RNF123: variants seen among roughly 807,000 people sequenced by gnomAD.
The protein encoded by RNF123 is ring finger protein 123.
A neutral mutation model predicts 168.5 loss-of-function variants in RNF123; 86 were observed. The ratio of observed to expected loss-of-function variants is 0.51; its 90% confidence interval spans 0.43 to 0.61. RNF123 has a LOEUF of 0.61. Ranked by LOEUF, RNF123 falls within the 20% of genes least tolerant of loss-of-function variation. The probability of loss-of-function intolerance (pLI) is 0.00; values close to 1 mark genes in which losing one functional copy is unlikely to be tolerated. For missense variants in RNF123, 1,419 were observed against 1,729.7 expected, an observed-to-expected ratio of 0.82 and a Z score of 3.19; for synonymous variants, 666 against 689.1, an observed-to-expected ratio of 0.97 and a Z score of 0.52.
In RNF123 at chr3:49,703,423, G is replaced by T; in HGVS notation, c.1751-4G>T. The stretch of plus-strand genomic sequence containing the variant: ...ACTGGCCTAGCCTCCTCAATTCCTC[G>T]CAGAGGCCTACATCCCGCCCCAGGT... On this transcript the variant is annotated splice_polypyrimidine_tract_variant and splice_region_variant and intron_variant, in intron 20 of 38. Coordinates refer to ENST00000327697, the MANE Select transcript of RNF123 (RefSeq NM_022064.5). 1 of 1,613,400 alleles carries T rather than the reference G, an allele frequency of 6.2e-7. No individual in the cohort carries two copies. Among genetic ancestry groups the T allele is most frequent in the Non-Finnish European group, 8.5e-7 (1 of 1,179,528 alleles).
At chr3:49,706,767 T>G in intron 25 of RNF123, 24 bp from the exon 26 acceptor site, 1 of 1,604,264 alleles carries the variant, frequency 6.2e-7, no homozygotes, top group African/African-American at 1.3e-5. Flanking sequence ...GTCTTGATTG[T>G]CCTCCTTTCC....
Position 49,697,464 on chromosome 3 carries a change from G to A in RNF123, c.342+7G>A, listed in dbSNP as rs1489696993. 5.0e-6 allele frequency: 8 copies of A among 1,593,048 alleles called. No homozygotes were observed. Among genetic ancestry groups the A allele is most frequent in the Non-Finnish European group, 6.8e-6 (8 of 1,169,386 alleles). ...GGATGATGACCTGCTGGGGGTGAGT[G>A]AGGGTGAGGTGTGGAGACCCAGGTC... is the stretch of plus-strand genomic sequence containing the variant. On this transcript the variant is annotated splice_region_variant and intron_variant, in intron 5 of 38. Coordinates refer to ENST00000327697, the MANE Select transcript of RNF123 (RefSeq NM_022064.5).
rs531424963 is a variant in RNF123 at position 49,699,236 on chromosome 3, T to C, written c.764+131T>C. 174 of 1,299,106 alleles carry C rather than the reference T, an allele frequency of 1.3e-4. 1 individual carries two copies. Among genetic ancestry groups the C allele is most frequent in the Middle Eastern group, 2.7e-4 (1 of 3,726 alleles). The allele number at this position is 1,299,106 out of a possible 1,614,324, so 80.5% of individuals were successfully genotyped here. ...CTGCTGCAGAGTTAGTGGGGGGCCA[T>C]GTAGAGTGTCGAAGAAAACTTTCCT... On this transcript the variant is annotated intron_variant, in intron 10 of 38. Transcript: ENST00000327697. This position sits in a 1 kb window ranked among gnomAD's most constrained non-coding sequence, Gnocchi z 4.8.
At chr3:49,693,291 G>A (rs543629238) in intron 3 of RNF123, among the ~76,000 whole-genome samples, 107 of 143,522 alleles carry the variant, frequency 7.5e-4, no homozygotes, top group Non-Finnish European at 1.4e-3. Context: ...CTCGTGATCC[G>A]CCCACCTCGG....
chr3:49,719,155 A>G (rs1575286705), intron 35 of RNF123: 3 of 1,613,582 alleles, frequency 1.9e-6, no homozygotes, highest in Non-Finnish European at 2.5e-6. Context: ...GTTGACGAAG[A>G]CGCCGCGACC....
At chr3:49,719,063 G>GC in intron 35 of RNF123, 1 of 1,613,822 alleles carries the variant, frequency 6.2e-7, no homozygotes, top group Non-Finnish European at 8.5e-7. Context: ...AGCTTCTCCA[G>GC]CGCCCCCAGC....
At chr3:49,719,923 T>C (rs756250028) in intron 35 of RNF123, 30 of 176,994 alleles carry the variant, frequency 1.7e-4, no homozygotes, top group Non-Finnish European at 2.9e-4. Context: ...GTCTCCAAGC[T>C]GCTGTTAGTG....
chr3:49,721,525 A>T lies in RNF123; in HGVS notation c.*220A>T, dbSNP rs753981644. ...ACAGTGAGCATTAAATTATTATTCC[A>T]TACAGCCCTGGCCCTGGCCCTTCTT... On this transcript the variant is annotated 3_prime_UTR_variant, in exon 39 of 39. Coordinates refer to ENST00000327697, the MANE Select transcript of RNF123 (RefSeq NM_022064.5). 88 of 815,750 alleles carry T rather than the reference A, an allele frequency of 1.1e-4. No homozygotes were observed. Among genetic ancestry groups the T allele is most frequent in the Non-Finnish European group, 1.7e-4 (81 of 483,200 alleles). The allele number at this position is 815,750 out of a possible 1,614,324, so 50.5% of individuals were successfully genotyped here. A position where few individuals can be genotyped will look rare whatever the true frequency, so the allele number is the denominator to read the frequency against.
rs772867836 is a variant in RNF123, at chr3:49,698,425, G to T, written c.484-15G>T. 6.8e-6 allele frequency: 11 copies of T among 1,611,446 alleles called. No individual in the cohort carries two copies. The highest frequency in any genetic ancestry group is 9.3e-6 in the Non-Finnish European group (11 of 1,178,160). The stretch of plus-strand genomic sequence containing the variant: ...GCCTGCCTCACCAGGGACCTCATAG[G>T]CATTTCCTCCCTAGGAGGGGGTTGG... On this transcript the variant is annotated splice_polypyrimidine_tract_variant and intron_variant, in intron 7 of 38. Transcript: ENST00000327697.
chr3:49,705,884 G>A, intron 24 of RNF123, 98 bp from the exon 25 acceptor site: 1 of 1,487,882 alleles, frequency 6.7e-7, no homozygotes, highest in Non-Finnish European at 9.3e-7. Context: ...TGGGCCTAAG[G>A]TTGGGACCTT....
chr3:49,691,235 T>C lies in RNF123; in HGVS notation c.70T>C (p.Ser24Pro), dbSNP rs1304529756. The C allele has an allele frequency of 6.2e-7, 1 of 1,613,746 alleles. No individual in the cohort carries two copies. The highest frequency in any genetic ancestry group is 2.2e-5 in the East Asian group (1 of 44,888). The change falls in exon 2 of 39, where the codon TCC becomes CCC. Residue 24 changes from serine to proline, a missense_variant. Physicochemically the swap from Ser to Pro is moderately conservative, Grantham distance 74. Coordinates refer to ENST00000327697, the MANE Select transcript of RNF123 (RefSeq NM_022064.5). Reference protein sequence around the residue: ...SYRLTSDAEKSRVTGIVQEKL... With the variant: ...SYRLTSDAEKPRVTGIVQEKL... ...TAGGCTGACCTCAGATGCTGAGAAA[T>C]CCAGGGTCACAGGTAAGAGCTGGCA... is the stretch of plus-strand genomic sequence containing the variant.
chr3:49,695,338 G>A (rs2108176107), intron 3 of RNF123, among the ~76,000 whole-genome samples: 1 of 152,098 alleles, frequency 6.6e-6, no homozygotes, highest in Middle Eastern at 3.4e-3. Context: ...GGGCTCAAGT[G>A]ATTCTCCCAC....
chr3:49,699,009 A>G lies in RNF123; in HGVS notation c.668A>G (p.Glu223Gly), dbSNP rs1390691656. ...LNGVSLGTAF[E>G]NLSRGLGMAY... ...GGTGTATCACTGGGCACTGCCTTTG[A>G]GAACCTGTCCAGGGGCCTGGGTATG... is the stretch of plus-strand genomic sequence containing the variant. Residue 223 changes from glutamate (E) to glycine (G), a missense_variant, in exon 10 of 39, where the codon GAG becomes GGG. By Grantham distance (98) the Glu-to-Gly change is moderately conservative. Transcript: ENST00000327697. The surrounding 1 kb of genome is among the most constrained non-coding windows in gnomAD (Gnocchi z 4.8). 6.2e-7 allele frequency: 1 copy of G among 1,614,014 alleles called. No individual in the cohort carries two copies. The highest frequency in any genetic ancestry group is 8.5e-7 in the Non-Finnish European group (1 of 1,180,014).
At chr3:49,703,358 G>A (rs1381384272) in intron 20 of RNF123, 69 bp from the exon 21 acceptor site, 12 of 1,276,216 alleles carry the variant, frequency 9.4e-6, no homozygotes, top group Non-Finnish European at 1.1e-5. Flanking sequence ...CAGATTGGAG[G>A]GGAGGGCTGT....
chr3:49,721,013 C>T lies in RNF123; in HGVS notation c.3739-7C>T. On this transcript the variant is annotated splice_polypyrimidine_tract_variant and splice_region_variant and intron_variant, in intron 37 of 38. Coordinates refer to ENST00000327697, the MANE Select transcript of RNF123 (RefSeq NM_022064.5). ...CTCCAGCCCACCCTTCACTCTCCTC[C>T]CTGCAGCCCACCAGTGAGGAGGACC... is the stretch of plus-strand genomic sequence containing the variant. The T allele has an allele frequency of 1.9e-6, 3 of 1,610,366 alleles. No individual in the cohort carries two copies. In the East Asian group the frequency reaches 6.7e-5, roughly 36 times the overall value.
chr3:49,721,223 G>A lies in RNF123; in HGVS notation c.3863G>A (p.Cys1288Tyr), dbSNP rs780870009. Residue 1288 changes from cysteine (C) to tyrosine (Y), a missense_variant, in exon 39 of 39, where the codon TGC (cysteine) becomes TAC (tyrosine). By Grantham distance (194) the Cys-to-Tyr change is radical. Transcript: ENST00000327697. ...CAGCACCTGATGAACAACAAGGACTGCTTCTTCTGCAAAACCACCATCGTG... is the reference window on the plus strand; with the variant it reads ...CAGCACCTGATGAACAACAAGGACTACTTCTTCTGCAAAACCACCATCGTG... ...INQHLMNNKDCFFCKTTIVSV... is the reference protein window; with the variant it reads ...INQHLMNNKDYFFCKTTIVSV... The A allele has an allele frequency of 6.2e-7, 1 of 1,614,232 alleles. No individual in the cohort carries two copies. Among genetic ancestry groups the A allele is most frequent in the Non-Finnish European group, 8.5e-7 (1 of 1,180,038 alleles).
intron 27 of RNF123, 72 bp downstream of exon 27, chr3:49,712,728 T>C (rs1170718125): frequency 6.5e-7 from 1 of 1,541,844 alleles, no homozygotes; most frequent in Non-Finnish European, 8.9e-7. Flanking sequence ...AGCCCTGGTC[T>C]GAGACCTCTG....
At chr3:49,703,380 TCCTACTGGGCCGTGA>T (rs1488545613) in intron 20 of RNF123, 32 bp from the exon 21 acceptor site, 2 of 1,515,184 alleles carry the variant, frequency 1.3e-6, no homozygotes, top group South Asian at 1.1e-5. Flanking sequence ...GGGAGGGTCT[TCCTACTGGGCCGTGA>T]CCACTGGCCT....
rs377690361 is a variant in RNF123 at position 49,716,403 on chromosome 3, C to T, written c.3426C>T (p.Ser1142=). The T allele has an allele frequency of 8.7e-6, 14 of 1,613,808 alleles. No homozygotes were observed. In the African/African-American group the frequency reaches 1.2e-4, roughly 14 times the overall value. Reference sequence around the variant, plus strand: ...TCCCCTTCCCCTCAGGCCTAGAGAGCGTGGACCACTATCCCATTCTGGTGG... The same window carrying T: ...TCCCCTTCCCCTCAGGCCTAGAGAGTGTGGACCACTATCCCATTCTGGTGG... The part of the protein sequence containing the change: ...VVTLRLPGLE[S]VDHYPILVAV... Residue 1142 remains serine (S), a synonymous_variant, in exon 35 of 39, where the codon AGC becomes AGT. Transcript: ENST00000327697.
Sources: allele counts gnomAD v4.1 joint callset (sites outside exome capture counted in the v4.1 genomes callset), GRCh38; gene constraint gnomAD v4.1.1; non-coding constraint Gnocchi (gnomAD v3.1); transcripts MANE v1.5; gene names NCBI Gene and HGNC (gene_info 2026-07-23, HGNC 2026-07-21).